Variants in CEP350 observed in about 807,000 individuals in gnomAD.
CEP350 encodes centrosomal protein 350.
Under a neutral mutation model 331.8 loss-of-function variants are expected in CEP350, and 126 were observed. That is an observed-to-expected ratio of 0.38 (90% CI 0.33 to 0.44). The LOEUF is 0.44. Among genes scored for constraint, CEP350 ranks in the 20% least tolerant of loss-of-function variants. The pLI is 1.00. For missense variants in CEP350, 3,406 were observed against 3,634.6 expected (o/e 0.94, Z 1.62); for synonymous variants, 1,200 against 1,259.5 (o/e 0.95, Z 1.00).
At chr1:179,972,980 G>A (rs547915838) in intron 1 of CEP350, among the ~76,000 whole-genome samples, 70 of 151,378 alleles carry the variant, frequency 4.6e-4, no homozygotes, top group Non-Finnish European at 6.2e-4. Flanking sequence ...CCATTCTCCT[G>A]CCTCAGCCTC....
In CEP350 at chr1:180,095,609, G is replaced by T. The variant is rs562548913; in HGVS notation, c.8598G>T (p.Ala2866=). 1 of 1,613,912 alleles carries T rather than the reference G, an allele frequency of 6.2e-7. No homozygotes were observed. The highest frequency in any genetic ancestry group is 1.3e-5 in the African/African-American group (1 of 75,024). Residue 2866 remains alanine, a synonymous_variant, in exon 35 of 38, where the codon GCG becomes GCT. Coordinates refer to ENST00000367607, the MANE Select transcript of CEP350 (RefSeq NM_014810.5). Reference sequence around the variant, plus strand: ...AACTCAGCCGGGAGTTCCTGAGCGCGTTAGGAGATGATCAAGACTGGTTTG... The same window carrying T: ...AACTCAGCCGGGAGTTCCTGAGCGCTTTAGGAGATGATCAAGACTGGTTTG... ...ELELSREFLS[A]LGDDQDWFDE...
At chr1:180,094,659 A>G (rs1035156371) in intron 34 of CEP350, 43 bp downstream of exon 34, 1 of 1,562,130 alleles carries the variant, frequency 6.4e-7, no homozygotes, top group Non-Finnish European at 8.6e-7. Flanking sequence ...ACCTTTTGAC[A>G]CTTTTAACAA....
chr1:180,054,573 C>A, intron 25 of CEP350, 71 bp downstream of exon 25: 1 of 1,141,052 alleles, frequency 8.8e-7, no homozygotes, highest in Non-Finnish European at 1.3e-6. Context: ...ATTATTTTGC[C>A]TGATTTCTTT....
At chr1:179,963,966 C>T (rs764935510) in intron 1 of CEP350, among the ~76,000 whole-genome samples, 3 of 151,880 alleles carry the variant, frequency 2.0e-5, no homozygotes, top group Non-Finnish European at 4.4e-5. Flanking sequence ...AATGTTTTTC[C>T]ATTTGTTTGT....
chr1:180,029,588 T>C (rs1195169829), intron 14 of CEP350, among the ~76,000 whole-genome samples: 1 of 152,216 alleles, frequency 6.6e-6, no homozygotes, highest in Non-Finnish European at 1.5e-5. Context: ...TTTCCCGTAC[T>C]GAAGCTCTGT....
intron 11 of CEP350, 121 bp from the exon 12 acceptor site, chr1:180,019,828 T>G: frequency 1.3e-6 from 1 of 757,690 alleles, no homozygotes; most frequent in South Asian, 3.5e-5. Context: ...ATCTTTTTTA[T>G]ATTTTTTATC....
intron 1 of CEP350, among the ~76,000 whole-genome samples, chr1:179,984,302 G>T (rs1297722998): frequency 1.3e-5 from 2 of 152,182 alleles, no homozygotes. Context: ...TGTATGTAAG[G>T]AATTTGGGAG....
At chr1:180,103,944 A>G (rs1660980500) in intron 37 of CEP350, among the ~76,000 whole-genome samples, 1 of 138,256 alleles carries the variant, frequency 7.2e-6, no homozygotes, top group Non-Finnish European at 1.5e-5. Context: ...ATATGTTTTA[A>G]AATATATACA....
rs1364224874 is a variant in CEP350 at position 180,022,836 on chromosome 1, C to T, written c.3374C>T (p.Thr1125Ile). The change falls in exon 13 of 38, where the codon ACT becomes ATT. Residue 1125 changes from threonine to isoleucine, a missense_variant. Physicochemically the swap from Thr to Ile is moderately conservative, Grantham distance 89. Coordinates refer to ENST00000367607, the MANE Select transcript of CEP350 (RefSeq NM_014810.5). ...GGGACTTCGACAGAAAAAAAATCAA[C>T]TCTTGAACCTCAGTAAGATATATTG... ...GTGTSTEKKS[T>I]LEPHSTLSPQ... 3.2e-6 allele frequency: 5 copies of T among 1,581,956 alleles called. No homozygotes were observed. In the Admixed American group the frequency reaches 5.5e-5, roughly 17 times the overall value.
chr1:180,032,285 T>G (rs1656077391), intron 15 of CEP350, among the ~76,000 whole-genome samples: 1 of 152,156 alleles, frequency 6.6e-6, no homozygotes, highest in African/African-American at 2.4e-5. Flanking sequence ...TTGTGCTTTT[T>G]CTAGTACTGT....
chr1:179,969,214 G>T (rs555340600), intron 1 of CEP350: 21 of 539,664 alleles, frequency 3.9e-5, no homozygotes, highest in Non-Finnish European at 7.1e-5. Flanking sequence ...GTGAACACCC[G>T]TGGGAAGTCA....
chr1:179,964,672 A>G (rs540286871), intron 1 of CEP350, among the ~76,000 whole-genome samples: 18 of 151,482 alleles, frequency 1.2e-4, no homozygotes, highest in Non-Finnish European at 2.4e-4. Flanking sequence ...GCACATAAAG[A>G]TGTTCATAGT....
At position 180,093,794 on chromosome 1, in the gene CEP350, A is replaced by G; in HGVS notation, c.7689A>G (p.Ile2563Met). ...GTATTTTTGCTCCTCCTCAAAAAATATCTCACATTCCAGAAAACTTTGATG... is the reference window on the plus strand; with the variant it reads ...GTATTTTTGCTCCTCCTCAAAAAATGTCTCACATTCCAGAAAACTTTGATG... ...KHGIFAPPQKISHIPENFDDY... is the reference protein window; with the variant it reads ...KHGIFAPPQKMSHIPENFDDY... Residue 2563 changes from isoleucine (I) to methionine (M), a missense_variant, in exon 34 of 38, where the codon ATA becomes ATG. Ile to Met is a conservative substitution (Grantham distance 10). Coordinates refer to ENST00000367607, the MANE Select transcript of CEP350 (RefSeq NM_014810.5). 6.2e-7 allele frequency: 1 copy of G among 1,613,974 alleles called. No homozygotes were observed.
intron 15 of CEP350, among the ~76,000 whole-genome samples, chr1:180,033,451 A>G (rs1422851824): frequency 3.9e-5 from 6 of 152,168 alleles, no homozygotes; most frequent in Non-Finnish European, 8.8e-5. Flanking sequence ...TTTAACATAA[A>G]ATATTTTATT....
chr1:180,009,669 T>A (rs1654499912), intron 8 of CEP350, among the ~76,000 whole-genome samples: 1 of 152,210 alleles, frequency 6.6e-6, no homozygotes, highest in Non-Finnish European at 1.5e-5. Context: ...TGCTTTTGAT[T>A]CAGAAAATCA....
In CEP350 at chr1:180,111,179, G is replaced by A. The variant is rs1426580847; in HGVS notation, c.*18G>A. 2.5e-6 allele frequency: 4 copies of A among 1,612,434 alleles called. No individual in the cohort carries two copies. Among genetic ancestry groups the A allele is most frequent in the East Asian group, 4.5e-5 (2 of 44,870 alleles). On this transcript the variant is annotated 3_prime_UTR_variant, in exon 38 of 38. Coordinates refer to ENST00000367607, the MANE Select transcript of CEP350 (RefSeq NM_014810.5). ...TTGTGTGACATCTTGCAAATAAATC[G>A]AACGCTGAGTGCTAATGTGAGTCCT...
chr1:179,982,013 A>G (rs1241413293), intron 1 of CEP350, among the ~76,000 whole-genome samples: 1 of 152,182 alleles, frequency 6.6e-6, no homozygotes, highest in Non-Finnish European at 1.5e-5. Flanking sequence ...AAAAAGCCTC[A>G]AAAACTAGAA....
chr1:180,000,779 C>T (rs1653811388), intron 6 of CEP350: 1 of 152,392 alleles, frequency 6.6e-6, no homozygotes, highest in African/African-American at 2.4e-5. Flanking sequence ...TCATGAACTT[C>T]CTAGTACAAA....
chr1:180,032,632 C>A (rs1400590469), intron 15 of CEP350, among the ~76,000 whole-genome samples: 1 of 151,682 alleles, frequency 6.6e-6, no homozygotes, highest in Non-Finnish European at 1.5e-5. Flanking sequence ...ATTGTTTAAC[C>A]TCTTTTTTTT....
Sources: gnomAD v4.1 joint callset for allele counts (sites outside exome capture counted in the v4.1 genomes callset) on GRCh38, gnomAD v4.1.1 for gene constraint, MANE v1.5 for transcripts, NCBI Gene and HGNC (gene_info 2026-07-23, HGNC 2026-07-21) for gene names.